CDC14A: variants seen among roughly 807,000 people sequenced by gnomAD.
The protein encoded by CDC14A is dual specificity protein phosphatase CDC14A.
Under a neutral mutation model 74.4 loss-of-function variants are expected in CDC14A, and 53 were observed. That is an observed-to-expected ratio of 0.71 (90% confidence interval 0.57 to 0.89). The LOEUF is 0.89. Among genes scored for constraint, CDC14A ranks in the 40% least tolerant of loss-of-function variants. The pLI, the probability that CDC14A is intolerant of heterozygous loss-of-function variation, is 0.00. For missense variants in CDC14A, 646 were observed against 713.7 expected (o/e 0.91, Z 1.08); for synonymous variants, 247 against 258.4 (o/e 0.96, Z 0.43).
intron 15 of CDC14A, among the ~76,000 whole-genome samples, chr1:100,501,452 G>A (rs1028293601): frequency 6.6e-6 from 1 of 152,180 alleles, no homozygotes; most frequent in Non-Finnish European, 1.5e-5. Flanking sequence ...GCCTAGTGAC[G>A]TCGTAGCCCT....
At chr1:100,440,911 A>G (rs1384861110) in intron 6 of CDC14A, among the ~76,000 whole-genome samples, 2 of 152,164 alleles carry the variant, frequency 1.3e-5, no homozygotes, top group East Asian at 1.9e-4. Flanking sequence ...TTTTCTTTCT[A>G]CTTAAACAAC....
intron 5 of CDC14A, among the ~76,000 whole-genome samples, chr1:100,425,182 A>G (rs994858259): frequency 7.9e-5 from 12 of 152,192 alleles, no homozygotes; most frequent in Admixed American, 3.3e-4. Flanking sequence ...AAATAAATAC[A>G]TACATACATA....
chr1:100,420,045 CACACACACACACACACACAT>C (rs1662096590), intron 4 of CDC14A, among the ~76,000 whole-genome samples: 1 of 14,708 alleles, frequency 6.8e-5, no homozygotes, highest in African/African-American at 8.8e-4. Flanking sequence ...CACACACACA[CACACACACACACACACACAT>C]ATATATATAT....
chr1:100,484,178 A>G (rs776899332), intron 10 of CDC14A, 114 bp from the exon 11 acceptor site: 19 of 550,972 alleles, frequency 3.4e-5, no homozygotes, highest in Non-Finnish European at 5.1e-5. Context: ...TGATTTGTAA[A>G]TGCTTATTTG....
chr1:100,381,364 C>G (rs996754350), intron 3 of CDC14A, among the ~76,000 whole-genome samples: 2 of 152,222 alleles, frequency 1.3e-5, no homozygotes, highest in Non-Finnish European at 2.9e-5. Context: ...TCCTCAAACT[C>G]CTTTACTTCT....
rs139656945 is a variant in CDC14A, at chr1:100,439,956, T to G, written c.414T>G (p.Thr138=). ...PFRDASFGNC[T]YNLTILDCLQ... is the part of the protein sequence containing the mutation. ...GGGATGCTTCCTTTGGAAATTGCAC[T>G]TACAATCTCACCATTCTCGACTGTT... The change falls in exon 6 of 16, where the codon ACT becomes ACG. Residue 138 remains threonine, a synonymous_variant. Transcript: ENST00000336454. The G allele has an allele frequency of 9.9e-6, 16 of 1,613,192 alleles. No individual in the cohort carries two copies. The highest frequency in any genetic ancestry group is 2.7e-5 in the African/African-American group (2 of 74,906).
chr1:100,420,045 C>T lies in CDC14A; in HGVS notation c.310-4177C>T, dbSNP rs772818093. 5.0e-3 allele frequency among the ~76,000 whole-genome samples: 74 copies of T among 14,670 alleles called. No homozygotes were observed. In the African/African-American group the frequency reaches 0.06, roughly 12 times the overall value. The allele number at this position is 14,670 out of a possible 152,430, so 9.6% of individuals were successfully genotyped here. A position where few individuals can be genotyped will look rare whatever the true frequency, so the allele number is the denominator to read the frequency against. On this transcript the variant is annotated intron_variant, in intron 4 of 15. Coordinates refer to ENST00000336454, the MANE Select transcript of CDC14A (RefSeq NM_003672.4). The stretch of plus-strand genomic sequence containing the variant: ...ATATACATATATACACACACACACA[C>T]ACACACACACACACACACATATATA...
intron 2 of CDC14A, among the ~76,000 whole-genome samples, chr1:100,362,858 CA>C (rs1652950084): frequency 6.6e-6 from 1 of 152,102 alleles, no homozygotes; most frequent in African/African-American, 2.4e-5. Flanking sequence ...CGAAGATTAA[CA>C]ATAGGTACAC....
At chr1:100,505,047 C>A in intron 15 of CDC14A, 1 of 1,027,752 alleles carries the variant, frequency 9.7e-7, no homozygotes, top group Non-Finnish European at 1.3e-6. Context: ...GAATTGTCTC[C>A]AAATTTAAAC....
rs533632212 is a variant in CDC14A, at chr1:100,373,792, T to G, written c.141-3754T>G. Among the ~76,000 whole-genome samples, 60 of 131,304 alleles carry G rather than the reference T, an allele frequency of 4.6e-4. No individual in the cohort carries two copies. The South Asian group carries it at 7.3e-3, about 16-fold the overall frequency. 86.1% of individuals were successfully genotyped at this position (131,304 alleles called of 152,430 possible). On this transcript the variant is annotated intron_variant, in intron 2 of 15. Transcript: ENST00000336454. ...CTTTTATTTCAAATCACTGCTGCTT[T>G]CTTTCTTTCTTTTTTTTTATTATTA... is the stretch of plus-strand genomic sequence containing the variant.
chr1:100,506,834 A>G (rs10875299), intron 15 of CDC14A, among the ~76,000 whole-genome samples: 135,105 of 152,230 alleles, frequency 0.89, 61,886 homozygotes, highest in Non-Finnish European at 0.99. Flanking sequence ...TTAATCTTGC[A>G]TCTTATTTTT....
At position 100,507,241 on chromosome 1, in the gene CDC14A, C is replaced by T. The variant is rs187914151; in HGVS notation, c.1755+7979C>T. Among the ~76,000 whole-genome samples, 472 of 152,270 alleles carry T rather than the reference C, an allele frequency of 3.1e-3. 2 individuals carry two copies. Among genetic ancestry groups the T allele is most frequent in the South Asian group, 0.026 (125 of 4,824 alleles). Reference sequence around the variant, plus strand: ...TCTATTTTTGCACTGCTGCCAGAATCCACTTAAAATACCAGTTTCCTAATG... The same window carrying T: ...TCTATTTTTGCACTGCTGCCAGAATTCACTTAAAATACCAGTTTCCTAATG... On this transcript the variant is annotated intron_variant, in intron 15 of 15. Coordinates refer to ENST00000336454, the MANE Select transcript of CDC14A (RefSeq NM_003672.4).
intron 9 of CDC14A, among the ~76,000 whole-genome samples, chr1:100,466,443 C>A (rs1031105719): frequency 6.6e-6 from 1 of 151,952 alleles, no homozygotes; most frequent in Admixed American, 6.6e-5. Context: ...AAGGGAGAGC[C>A]CCACTGAGAC....
rs529637697 is a variant in CDC14A, at chr1:100,484,322, C to T, written c.1008C>T (p.Asp336=). 7 of 1,596,630 alleles carry T rather than the reference C, an allele frequency of 4.4e-6. No individual in the cohort carries two copies. In the African/African-American group the frequency reaches 5.4e-5, roughly 12 times the overall value. ...AAGCATCGTTGTGGGTCCAAGGAGA[C>T]ATTTTCCGATCCAAACTGAAAAATC... ...EKQASLWVQG[D]IFRSKLKNRP... Residue 336 remains aspartate, a synonymous_variant, in exon 11 of 16, where the codon GAC becomes GAT. Coordinates refer to ENST00000336454, the MANE Select transcript of CDC14A (RefSeq NM_003672.4).
chr1:100,403,588 G>A (rs142644039), intron 4 of CDC14A, among the ~76,000 whole-genome samples: 61 of 152,332 alleles, frequency 4.0e-4, no homozygotes, highest in Non-Finnish European at 7.5e-4. Context: ...GTCTCTGGAT[G>A]GTTTTTATTC....
intron 2 of CDC14A, among the ~76,000 whole-genome samples, chr1:100,367,782 T>C (rs1208705719): frequency 1.3e-5 from 2 of 152,182 alleles, no homozygotes; most frequent in African/African-American, 2.4e-5. Flanking sequence ...CAACATACTG[T>C]GGGGTGGGAA....
chr1:100,449,267 C>T (rs1473189099), intron 7 of CDC14A, among the ~76,000 whole-genome samples: 3 of 152,128 alleles, frequency 2.0e-5, no homozygotes, highest in Admixed American at 6.5e-5. Context: ...GGATCTTGGG[C>T]CTCTTCGATC....
intron 9 of CDC14A, among the ~76,000 whole-genome samples, chr1:100,466,067 G>A (rs1667775556): frequency 6.6e-6 from 1 of 152,122 alleles, no homozygotes; most frequent in African/African-American, 2.4e-5. Context: ...CAAAATTATA[G>A]ACTCTTTTTT....
intron 11 of CDC14A, among the ~76,000 whole-genome samples, chr1:100,492,847 T>A (rs967283344): frequency 6.7e-6 from 1 of 149,558 alleles, no homozygotes; most frequent in Non-Finnish European, 1.5e-5. Flanking sequence ...CTGCTGTGTG[T>A]GTGTGTGTGT....
Sources: allele counts gnomAD v4.1 joint callset (sites outside exome capture counted in the v4.1 genomes callset), GRCh38; gene constraint gnomAD v4.1.1; transcripts MANE v1.5; gene names NCBI Gene and HGNC (gene_info 2026-07-23, HGNC 2026-07-21).